Variants in ZFHX3 observed in about 807,000 individuals in gnomAD.
ZFHX3 encodes zinc finger homeobox 3.
ZFHX3 carries 42 observed loss-of-function variants against 279.1 expected under a neutral mutation model. The observed-to-expected ratio is 0.15, with a 90% CI of 0.12 to 0.19. ZFHX3 has a LOEUF of 0.19. Ranked by LOEUF, ZFHX3 falls within the 10% of genes least tolerant of loss-of-function variation. The probability of loss-of-function intolerance (pLI) is 1.00; values close to 1 mark genes in which losing one functional copy is unlikely to be tolerated. For missense variants in ZFHX3, 4,981 were observed against 4,754.0 expected, an observed-to-expected ratio of 1.05 and a Z score of -1.40; for synonymous variants, 2,293 against 1,957.8, an observed-to-expected ratio of 1.17 and a Z score of -4.52.
intron 3 of ZFHX3, among the ~76,000 whole-genome samples, chr16:73,418,711 T>C (rs1567478350): frequency 6.6e-6 from 1 of 152,230 alleles, no homozygotes; most frequent in Non-Finnish European, 1.5e-5. Flanking sequence ...AAAACAGGTC[T>C]CCCATCCCCT....
At chr16:73,666,754 G>A (rs1457096451) in intron 2 of ZFHX3, among the ~76,000 whole-genome samples, 2 of 151,672 alleles carry the variant, frequency 1.3e-5, no homozygotes, top group Non-Finnish European at 2.9e-5. Context: ...AAATCCCCTT[G>A]TACTCTCAAG....
chr16:73,028,522 G>T (rs1964589766), intron 1 of ZFHX3, among the ~76,000 whole-genome samples: 2 of 152,210 alleles, frequency 1.3e-5, no homozygotes, highest in African/African-American at 4.8e-5. Context: ...GGCTAAGGAT[G>T]CATCAGGCAC....
chr16:72,819,927 G>C (rs2036737506), intron 5 of ZFHX3, among the ~76,000 whole-genome samples: 1 of 152,226 alleles, frequency 6.6e-6, no homozygotes, highest in Non-Finnish European at 1.5e-5. Flanking sequence ...TCCTGTCCTG[G>C]AGAGCCTCTG....
intron 1 of ZFHX3, among the ~76,000 whole-genome samples, chr16:73,693,032 G>A (rs540576873): frequency 6.6e-6 from 1 of 152,254 alleles, no homozygotes; most frequent in African/African-American, 2.4e-5. Context: ...AAGAAATTAC[G>A]AAAAACTTGG....
Position 73,784,139 on chromosome 16 carries a change from G to A in ZFHX3, c.-1607-103899C>T, listed in dbSNP as rs191665127. On this transcript the variant is annotated intron_variant, in intron 1 of 17. Coordinates refer to the ZFHX3 transcript ENST00000641206. ...GGCAGGCAAAAAAAAGAAAAAAAAA[G>A]GAGACAGGTAAGCATTTGGGCTGTG... Among the ~76,000 whole-genome samples the A allele has an allele frequency of 6.4e-3, 969 of 151,818 alleles. 9 individuals are homozygous for A. The highest frequency in any genetic ancestry group is 0.011 in the Non-Finnish European group (730 of 67,994).
rs753157970 is a variant in ZFHX3, at chr16:73,199,175, G to A, written c.-1103-55344C>T. 1.4e-4 allele frequency among the ~76,000 whole-genome samples: 21 copies of A among 152,184 alleles called. 1 individual carries two copies. The highest frequency in any genetic ancestry group is 2.2e-4 in the Non-Finnish European group (15 of 68,038). The stretch of plus-strand genomic sequence containing the variant: ...TCAAATTCTGGAGAAGATTGCTAAC[G>A]TATGATCAGAAAGGAAGAAGACGGT... On this transcript the variant is annotated intron_variant, in intron 5 of 17. Coordinates refer to the ZFHX3 transcript ENST00000641206.
At chr16:73,232,013 G>A (rs2012790173) in intron 5 of ZFHX3, 1 of 152,176 alleles carries the variant, frequency 6.6e-6, no homozygotes, top group African/African-American at 2.4e-5. Context: ...AACAGTGCTG[G>A]CCCGCAGCCA....
intron 4 of ZFHX3, among the ~76,000 whole-genome samples, chr16:73,306,319 C>G (rs1462588100): frequency 6.6e-6 from 1 of 152,074 alleles, no homozygotes; most frequent in African/African-American, 2.4e-5. Flanking sequence ...CACATGAATA[C>G]TTGTTTTTTG....
chr16:73,568,878 C>T (rs1378956847), intron 2 of ZFHX3, among the ~76,000 whole-genome samples: 1 of 152,114 alleles, frequency 6.6e-6, no homozygotes, highest in Non-Finnish European at 1.5e-5. Flanking sequence ...TGTCCGGCTC[C>T]GACAGACAGC....
intron 3 of ZFHX3, among the ~76,000 whole-genome samples, chr16:73,437,304 C>T (rs1193995652): frequency 1.3e-5 from 2 of 152,126 alleles, no homozygotes; most frequent in African/African-American, 4.8e-5. Context: ...GGACAAAATG[C>T]TCAGTTCCCT....
At chr16:73,661,480 G>C (rs2052783865) in intron 2 of ZFHX3, among the ~76,000 whole-genome samples, 1 of 152,154 alleles carries the variant, frequency 6.6e-6, no homozygotes, top group African/African-American at 2.4e-5. Flanking sequence ...CAGCACTTTG[G>C]GAGGCAGAGG....
At chr16:72,941,661 T>C (rs1057137552) in intron 3 of ZFHX3, among the ~76,000 whole-genome samples, 36 of 152,252 alleles carry the variant, frequency 2.4e-4, no homozygotes, top group African/African-American at 7.7e-4. Flanking sequence ...TCTATTTTTT[T>C]TTAATGTCAT....
At chr16:73,234,619 AAAG>A (rs2012885241) in intron 5 of ZFHX3, among the ~76,000 whole-genome samples, 1 of 152,248 alleles carries the variant, frequency 6.6e-6, no homozygotes, top group South Asian at 2.1e-4. Context: ...GAGGAGATCC[AAAG>A]AATGATTTGC....
At position 72,787,176 on chromosome 16, in the gene ZFHX3, G is replaced by A. The variant is rs761413084; in HGVS notation, c.11100C>T (p.Thr3700=). 1.9e-6 allele frequency: 3 copies of A among 1,564,400 alleles called. No individual in the cohort carries two copies. Among genetic ancestry groups the A allele is most frequent in the South Asian group, 1.2e-5 (1 of 84,136 alleles). ...TCATCTTCAAAGCTTACAATCTGAA[G>A]GTGTCCGTTCCTACACTGGTCAGAC... ...DSGLTSVGTD[T]FRL The change falls in exon 10 of 10, where the codon ACC becomes ACT. Residue 3700 remains threonine (T), a synonymous_variant. Transcript: ENST00000268489.
Position 73,198,014 on chromosome 16 carries a change from T to G in ZFHX3, c.-1103-54183A>C, listed in dbSNP as rs190331532. On this transcript the variant is annotated intron_variant, in intron 5 of 17. Coordinates refer to the ZFHX3 transcript ENST00000641206. ...GTGCAGTGGCACGATCTCGGCTCAC[T>G]GCAACCTCTGCCTCCCAGGTTCAAG... is the stretch of plus-strand genomic sequence containing the variant. Among the ~76,000 whole-genome samples the G allele has an allele frequency of 3.7e-3, 500 of 134,994 alleles. 3 individuals are homozygous for G. Among genetic ancestry groups the G allele is most frequent in the African/African-American group, 0.013 (474 of 36,186 alleles). The allele number at this position is 134,994 out of a possible 152,430, so 88.6% of individuals were successfully genotyped here.
chr16:73,311,837 T>C (rs1015723156), intron 4 of ZFHX3, among the ~76,000 whole-genome samples: 1 of 152,132 alleles, frequency 6.6e-6, no homozygotes, highest in Non-Finnish European at 1.5e-5. Context: ...GTTCAAAGCA[T>C]CAATTGTCAA....
intron 2 of ZFHX3, among the ~76,000 whole-genome samples, chr16:73,642,929 G>A (rs962333852): frequency 6.6e-6 from 1 of 152,292 alleles, no homozygotes; most frequent in African/African-American, 2.4e-5. Flanking sequence ...TCTGACCTTC[G>A]AGGAATGGTG....
chr16:72,921,065 T>C (rs1484933297), intron 3 of ZFHX3, among the ~76,000 whole-genome samples: 1 of 109,456 alleles, frequency 9.1e-6, no homozygotes, highest in Non-Finnish European at 1.7e-5. Flanking sequence ...GAGCCAGACC[T>C]TGTCAAAAAA....
chr16:73,036,321 T>C (rs1170959905), intron 1 of ZFHX3, among the ~76,000 whole-genome samples: 2 of 152,324 alleles, frequency 1.3e-5, no homozygotes, highest in African/African-American at 4.8e-5. Flanking sequence ...GAAGAAAAGC[T>C]GCACAGATGC....
Sources: gnomAD v4.1 joint callset for allele counts (sites outside exome capture counted in the v4.1 genomes callset) on GRCh38, gnomAD v4.1.1 for gene constraint, MANE v1.5 for transcripts, NCBI Gene and HGNC (gene_info 2026-07-23, HGNC 2026-07-21) for gene names.